Variants in CDH18 observed in about 807,000 individuals in gnomAD.
CDH18 encodes the protein cadherin 18.
CDH18 carries 31 observed loss-of-function variants against 67.9 expected under a neutral mutation model. The observed-to-expected ratio is 0.46, with a 90% CI of 0.34 to 0.62. The LOEUF (loss-of-function observed/expected upper bound fraction) is 0.62, where lower values mean the gene tolerates loss of function less well. Ranked by LOEUF, CDH18 falls within the 20% of genes least tolerant of loss-of-function variation. The pLI is 0.01. For synonymous variants in CDH18, 362 were observed against 347.2 expected (o/e 1.04, Z -0.48); for missense variants, 890 against 975.5 (o/e 0.91, Z 1.17).
intron 9 of CDH18, among the ~76,000 whole-genome samples, chr5:19,543,355 C>G (rs1364566094): frequency 6.6e-6 from 1 of 151,982 alleles, no homozygotes; most frequent in South Asian, 2.1e-4. Context: ...CTGTAGATCA[C>G]GTATGTTACT....
At chr5:20,275,559 T>C (rs779132104) in intron 1 of CDH18, among the ~76,000 whole-genome samples, 2 of 152,234 alleles carry the variant, frequency 1.3e-5, no homozygotes, top group Non-Finnish European at 2.9e-5. Context: ...CAATGCTTTA[T>C]GGCATTTTCC....
chr5:19,994,855 T>TATAGAGAGAG lies in CDH18; in HGVS notation c.-517-2842_-517-2841insCTCTCTCTAT, dbSNP rs760777430. On this transcript the variant is annotated intron_variant, in intron 2 of 14. Transcript: ENST00000507958. ...ATATATATATATATATATATATATA[T>TATAGAGAGAG]AGAGAGAGAGAGAGAGAGAGAGATG... Among the ~76,000 whole-genome samples, 230 of 67,584 alleles carry TATAGAGAGAG rather than the reference T, an allele frequency of 3.4e-3. 33 individuals carry two copies. Among genetic ancestry groups the TATAGAGAGAG allele is most frequent in the East Asian group, 0.014 (27 of 1,870 alleles). The allele number at this position is 67,584 out of a possible 152,430, so 44.3% of individuals were successfully genotyped here. A position where few individuals can be genotyped will look rare whatever the true frequency, so the allele number is the denominator to read the frequency against.
chr5:20,340,736 C>A (rs1032125236), intron 1 of CDH18, among the ~76,000 whole-genome samples: 4 of 152,176 alleles, frequency 2.6e-5, no homozygotes, highest in African/African-American at 4.8e-5. Context: ...CTTCTGGACA[C>A]TGGAGTGAGC....
chr5:20,171,477 T>C (rs1736703447), intron 2 of CDH18, among the ~76,000 whole-genome samples: 1 of 151,678 alleles, frequency 6.6e-6, no homozygotes, highest in South Asian at 2.1e-4. Context: ...ACATTGAGAT[T>C]TTTTTTTTCA....
chr5:20,250,384 C>T (rs914315629), intron 2 of CDH18, among the ~76,000 whole-genome samples: 4 of 151,540 alleles, frequency 2.6e-5, no homozygotes, highest in Non-Finnish European at 4.4e-5. Flanking sequence ...CCTCCGCCTC[C>T]CGGATTCAAT....
intron 2 of CDH18, among the ~76,000 whole-genome samples, chr5:20,213,135 A>T (rs1410179368): frequency 4.6e-5 from 7 of 152,128 alleles, no homozygotes; most frequent in Admixed American, 1.3e-4. Context: ...ACTTACTTAA[A>T]CACTTGGAGG....
At chr5:20,113,420 T>G (rs1305069624) in intron 2 of CDH18, among the ~76,000 whole-genome samples, 1 of 152,180 alleles carries the variant, frequency 6.6e-6, no homozygotes, top group Non-Finnish European at 1.5e-5. Flanking sequence ...ATACATGCAT[T>G]TTTTGTCTCC....
chr5:19,614,400 T>G (rs537698399), intron 5 of CDH18, among the ~76,000 whole-genome samples: 126 of 151,324 alleles, frequency 8.3e-4, no homozygotes, highest in Non-Finnish European at 1.6e-3. Flanking sequence ...TTATAATAAA[T>G]GATTCATCTA....
chr5:20,070,197 T>C (rs1434994526), intron 2 of CDH18, among the ~76,000 whole-genome samples: 1 of 152,212 alleles, frequency 6.6e-6, no homozygotes, highest in Non-Finnish European at 1.5e-5. Context: ...TCATTTGTGA[T>C]TCCTTTATGT....
intron 2 of CDH18, among the ~76,000 whole-genome samples, chr5:19,846,076 T>TA (rs1306395623): frequency 6.6e-6 from 1 of 152,112 alleles, no homozygotes; most frequent in African/African-American, 2.4e-5. Flanking sequence ...TAGCTATTTT[T>TA]ATCCCTGTTT....
chr5:19,920,766 T>C (rs1418565702), intron 2 of CDH18, among the ~76,000 whole-genome samples: 2 of 151,826 alleles, frequency 1.3e-5, no homozygotes, highest in African/African-American at 2.4e-5. Flanking sequence ...CCCGCCTCGG[T>C]CTCCCAAAGT....
intron 1 of CDH18, among the ~76,000 whole-genome samples, chr5:20,272,369 T>G (rs967961559): frequency 4.6e-5 from 7 of 151,888 alleles, no homozygotes; most frequent in Non-Finnish European, 1.0e-4. Flanking sequence ...ATGATTAACT[T>G]TTTTTGTTTG....
intron 9 of CDH18, among the ~76,000 whole-genome samples, chr5:19,540,163 A>T (rs1750030002): frequency 6.6e-6 from 1 of 152,154 alleles, no homozygotes; most frequent in Middle Eastern, 3.2e-3. Flanking sequence ...CAAAGGGGCT[A>T]CAGGTCCCAT....
At chr5:20,299,403 T>TACACAC (rs56003449) in intron 1 of CDH18, among the ~76,000 whole-genome samples, 24 of 138,772 alleles carry the variant, frequency 1.7e-4, no homozygotes, top group African/African-American at 5.9e-4. Flanking sequence ...CAACATTAGC[T>TACACAC]ACACACACAC....
chr5:19,794,448 T>C (rs1776654728), intron 3 of CDH18, among the ~76,000 whole-genome samples: 1 of 152,126 alleles, frequency 6.6e-6, no homozygotes, highest in African/African-American at 2.4e-5. Context: ...TTTTTACTTG[T>C]ATTGAATGAC....
At chr5:19,920,288 A>G (rs1792284913) in intron 2 of CDH18, among the ~76,000 whole-genome samples, 1 of 152,202 alleles carries the variant, frequency 6.6e-6, no homozygotes, top group Non-Finnish European at 1.5e-5. Flanking sequence ...GCCATTCTAA[A>G]TAATCAATAA....
At chr5:19,664,140 A>G (rs1560981792) in intron 5 of CDH18, among the ~76,000 whole-genome samples, 1 of 151,920 alleles carries the variant, frequency 6.6e-6, no homozygotes, top group Admixed American at 6.6e-5. Flanking sequence ...TCAAAAATGT[A>G]GTGACAATTA....
chr5:19,860,457 A>T (rs1784775876), intron 2 of CDH18, among the ~76,000 whole-genome samples: 2 of 133,030 alleles, frequency 1.5e-5, no homozygotes, highest in African/African-American at 2.8e-5. Flanking sequence ...CTATTATGGC[A>T]CTTTTTGGGA....
At chr5:19,852,990 A>G (rs979463296) in intron 2 of CDH18, among the ~76,000 whole-genome samples, 16 of 152,106 alleles carry the variant, frequency 1.1e-4, no homozygotes, top group African/African-American at 3.9e-4. Flanking sequence ...CTAAAAAGCA[A>G]TGAGTACAAG....
Sources: gnomAD v4.1 joint callset for allele counts (sites outside exome capture counted in the v4.1 genomes callset) on GRCh38, gnomAD v4.1.1 for gene constraint, MANE v1.5 for transcripts, NCBI Gene and HGNC (gene_info 2026-07-23, HGNC 2026-07-21) for gene names.